CAMKMT: variants seen among roughly 807,000 people sequenced by gnomAD.
CAMKMT encodes CaM KMT.
Under a neutral mutation model 48.0 loss-of-function variants are expected in CAMKMT, and 53 were observed. The observed-to-expected ratio is 1.10, with a 90% CI of 0.89 to 1.39. The LOEUF (loss-of-function observed/expected upper bound fraction) is 1.39. CAMKMT is among the 40% of genes most tolerant of loss of function. The pLI, the probability that CAMKMT is intolerant of heterozygous loss-of-function variation, is 0.00. For synonymous variants in CAMKMT, 165 were observed against 152.3 expected, an observed-to-expected ratio of 1.08 and a Z score of -0.61; for missense variants, 428 against 402.7, an observed-to-expected ratio of 1.06 and a Z score of -0.54.
chr2:44,464,869 A>G (rs1328485302), intron 3 of CAMKMT, among the ~76,000 whole-genome samples: 1 of 152,230 alleles, frequency 6.6e-6, no homozygotes, highest in East Asian at 1.9e-4. Flanking sequence ...GATGCTAGAC[A>G]GCAACACAAA....
At chr2:44,435,679 G>A (rs994844708) in intron 3 of CAMKMT, among the ~76,000 whole-genome samples, 1 of 152,200 alleles carries the variant, frequency 6.6e-6, no homozygotes, top group African/African-American at 2.4e-5. Flanking sequence ...TATTTGGTAT[G>A]TCTTTAGCTT....
At chr2:44,381,261 A>C (rs1680214251) in intron 2 of CAMKMT, among the ~76,000 whole-genome samples, 1 of 152,206 alleles carries the variant, frequency 6.6e-6, no homozygotes, top group African/African-American at 2.4e-5. Context: ...TAAAACATGT[A>C]CTTAACTTCT....
intron 3 of CAMKMT, among the ~76,000 whole-genome samples, chr2:44,622,589 C>T (rs993288474): frequency 6.6e-6 from 1 of 152,198 alleles, no homozygotes; most frequent in African/African-American, 2.4e-5. Context: ...TGAGAACATG[C>T]AGTATTTGGT....
chr2:44,445,765 C>T (rs1666960584), intron 3 of CAMKMT, among the ~76,000 whole-genome samples: 1 of 146,676 alleles, frequency 6.8e-6, no homozygotes, highest in African/African-American at 2.5e-5. Flanking sequence ...GAGTTGTCCT[C>T]AGCCCCCTCC....
intron 3 of CAMKMT, among the ~76,000 whole-genome samples, chr2:44,691,062 T>C (rs1676627066): frequency 6.6e-6 from 1 of 152,092 alleles, no homozygotes; most frequent in Non-Finnish European, 1.5e-5. Flanking sequence ...CCCCAGTCTA[T>C]AGTATGGAGT....
chr2:44,625,328 T>A (rs1672418786), intron 3 of CAMKMT, among the ~76,000 whole-genome samples: 1 of 152,204 alleles, frequency 6.6e-6, no homozygotes, highest in Admixed American at 6.5e-5. Flanking sequence ...GTACAGTTTT[T>A]AGTTGAATTG....
intron 3 of CAMKMT, among the ~76,000 whole-genome samples, chr2:44,394,497 G>T (rs1681640853): frequency 1.3e-5 from 2 of 151,440 alleles, no homozygotes; most frequent in Admixed American, 6.6e-5. Flanking sequence ...GTGCAATCTT[G>T]GCTCACTGCA....
At chr2:44,750,357 A>G (rs966900809) in intron 8 of CAMKMT, among the ~76,000 whole-genome samples, 1 of 152,028 alleles carries the variant, frequency 6.6e-6, no homozygotes, top group Non-Finnish European at 1.5e-5. Context: ...AGATTTCACT[A>G]TGTTGGTCAG....
intron 3 of CAMKMT, among the ~76,000 whole-genome samples, chr2:44,414,695 A>G (rs2104489340): frequency 6.6e-6 from 1 of 152,334 alleles, no homozygotes. Context: ...GGGTGGAAAT[A>G]TGAAGATGCA....
chr2:44,619,761 T>C (rs1672077031), intron 3 of CAMKMT, among the ~76,000 whole-genome samples: 1 of 152,258 alleles, frequency 6.6e-6, no homozygotes, highest in African/African-American at 2.4e-5. Context: ...TCTTGGTGTA[T>C]GCACTTAACA....
chr2:44,648,910 T>C (rs1673904319), intron 3 of CAMKMT, among the ~76,000 whole-genome samples: 1 of 152,186 alleles, frequency 6.6e-6, no homozygotes, highest in Admixed American at 6.5e-5. Flanking sequence ...ACTATAGTCA[T>C]CCACTTCTAA....
At position 44,454,586 on chromosome 2, in the gene CAMKMT, G is replaced by A. The variant is rs566337468; in HGVS notation, c.376+64281G>A. 2.6e-5 allele frequency among the ~76,000 whole-genome samples: 4 copies of A among 152,216 alleles called. No homozygotes were observed. In the South Asian group the frequency reaches 6.2e-4, roughly 24 times the overall value. On this transcript the variant is annotated intron_variant, in intron 3 of 10. Transcript: ENST00000378494. ...GGAACTTAAAAGTTAGCTTTGCTTA[G>A]TAACTATGCCTTGAAGTAGGATAAT...
chr2:44,692,416 C>A (rs1025395503), intron 3 of CAMKMT, among the ~76,000 whole-genome samples: 5 of 152,150 alleles, frequency 3.3e-5, no homozygotes, highest in African/African-American at 1.2e-4. Flanking sequence ...CCAAAGTAGC[C>A]ACCTGTCCCA....
intron 3 of CAMKMT, among the ~76,000 whole-genome samples, chr2:44,600,848 AACT>A (rs1572894283): frequency 1.3e-5 from 2 of 152,114 alleles, no homozygotes; most frequent in African/African-American, 2.4e-5. Context: ...TGGAGATTAA[AACT>A]ACTACAATTA....
chr2:44,713,724 A>T (rs1678010889), intron 6 of CAMKMT, among the ~76,000 whole-genome samples: 1 of 152,146 alleles, frequency 6.6e-6, no homozygotes, highest in Non-Finnish European at 1.5e-5. Flanking sequence ...GATTTTTCCT[A>T]CCCACCCCTG....
At chr2:44,625,442 G>T (rs574679537) in intron 3 of CAMKMT, among the ~76,000 whole-genome samples, 11 of 152,064 alleles carry the variant, frequency 7.2e-5, no homozygotes, top group Admixed American at 6.6e-4. Flanking sequence ...AAGTATTGCA[G>T]ATTTTTTCCC....
At position 44,428,370 on chromosome 2, in the gene CAMKMT, A is replaced by G. The variant is rs112805378; in HGVS notation, c.376+38065A>G. Among the ~76,000 whole-genome samples the G allele has an allele frequency of 1.7e-3, 266 of 152,278 alleles. No individual in the cohort carries two copies. The Middle Eastern group carries it at 0.027, about 16-fold the overall frequency. ...TCTTCTCTTCTCGACGTTCAGACACATCTTCTCTTCTTTCCTTCTCTGTTG... is the reference window on the plus strand; with the variant it reads ...TCTTCTCTTCTCGACGTTCAGACACGTCTTCTCTTCTTTCCTTCTCTGTTG... On this transcript the variant is annotated intron_variant, in intron 3 of 10. Coordinates refer to ENST00000378494, the MANE Select transcript of CAMKMT (RefSeq NM_024766.5).
rs116640177 is a variant in CAMKMT, at chr2:44,755,203, C to T, written c.762+1085C>T. ...TGTCTTGGAGGAGTAGCCATAGCTT[C>T]GTAAGTGGTAGTCAGTCCAATTCAA... On this transcript the variant is annotated intron_variant, in intron 9 of 10. Coordinates refer to ENST00000378494, the MANE Select transcript of CAMKMT (RefSeq NM_024766.5). Among the ~76,000 whole-genome samples the T allele has an allele frequency of 5.2e-3, 788 of 152,220 alleles. 4 individuals are homozygous for T. Among genetic ancestry groups the T allele is most frequent in the African/African-American group, 0.018 (752 of 41,518 alleles).
intron 3 of CAMKMT, among the ~76,000 whole-genome samples, chr2:44,560,304 T>G (rs1668254495): frequency 1.3e-5 from 2 of 152,206 alleles, no homozygotes; most frequent in Non-Finnish European, 2.9e-5. Context: ...CTTTTAGAGA[T>G]AAGGTCTCAC....
Sources: allele counts gnomAD v4.1 joint callset (sites outside exome capture counted in the v4.1 genomes callset), GRCh38; gene constraint gnomAD v4.1.1; transcripts MANE v1.5; gene names NCBI Gene and HGNC (gene_info 2026-07-23, HGNC 2026-07-21).